Variants in ANKRD24 observed in about 807,000 individuals in gnomAD.
ANKRD24 encodes the protein ankyrin repeat domain 24.
Under a neutral mutation model 127.8 loss-of-function variants are expected in ANKRD24, and 109 were observed. That is an observed-to-expected ratio of 0.85 (90% CI 0.73 to 1.00). ANKRD24 has a LOEUF of 1.00. Ranked by LOEUF, ANKRD24 falls within the 50% of genes least tolerant of loss-of-function variation. The pLI is 0.00. For synonymous variants in ANKRD24, 743 were observed against 671.1 expected, an observed-to-expected ratio of 1.11 and a Z score of -1.66; for missense variants, 1,648 against 1,570.2, an observed-to-expected ratio of 1.05 and a Z score of -0.84.
At position 4,207,884 on chromosome 19, in the gene ANKRD24, G is replaced by A. The variant is rs746465385; in HGVS notation, c.748G>A (p.Ala250Thr). The A allele has an allele frequency of 4.5e-6, 7 of 1,559,048 alleles. No homozygotes were observed. The highest frequency in any genetic ancestry group is 2.3e-5 in the East Asian group (1 of 43,750). ...CATCACCGATGCGCTGGGGCAGGAC[G>A]CGGCTCACTATGGCGCCCTGGCGGG... The part of the protein sequence containing the change: ...PGITDALGQD[A>T]AHYGALAGDK... Residue 250 changes from alanine (A) to threonine (T), a missense_variant, in exon 10 of 22, where the codon GCG (alanine) becomes ACG (threonine). By Grantham distance (58) the Ala-to-Thr change is moderately conservative (BLOSUM62 0). Coordinates refer to ENST00000318934, the MANE Select transcript of ANKRD24 (RefSeq NM_001393985.1).
chr19:4,192,380 AT>A (rs142246284), intron 2 of ANKRD24, among the ~76,000 whole-genome samples: 3,149 of 132,456 alleles, frequency 0.024, 128 homozygotes, highest in African/African-American at 0.08. Context: ...TTAAGTATGC[AT>A]TTTTTTTTTT....
chr19:4,187,281 C>T (rs189591206), intron 2 of ANKRD24, among the ~76,000 whole-genome samples: 16 of 152,154 alleles, frequency 1.1e-4, no homozygotes, highest in Middle Eastern at 3.4e-3. Flanking sequence ...GGCACGGTGG[C>T]GGGCACCTGT....
At chr19:4,202,842 G>T in intron 6 of ANKRD24, 27 bp from the exon 7 acceptor site, 1 of 1,571,764 alleles carries the variant, frequency 6.4e-7, no homozygotes, top group South Asian at 1.2e-5. Flanking sequence ...GGATGGCTCC[G>T]CCTCAAAGGA....
chr19:4,184,858 G>A (rs1034573074), intron 1 of ANKRD24, among the ~76,000 whole-genome samples: 1 of 151,672 alleles, frequency 6.6e-6, no homozygotes, highest in Non-Finnish European at 1.5e-5. Flanking sequence ...ATGGATGGGT[G>A]GATGGATGAA....
chr19:4,224,193 G>T lies in ANKRD24; in HGVS notation c.3363+1G>T. The T allele has an allele frequency of 6.2e-7, 1 of 1,609,856 alleles. No homozygotes were observed. Among genetic ancestry groups the T allele is most frequent in the Non-Finnish European group, 8.5e-7 (1 of 1,178,264 alleles). On this transcript the variant is annotated splice_donor_variant, in intron 21 of 21. Transcript: ENST00000318934. LOFTEE classifies it high-confidence loss of function. ...AAGCCACCTCCTATATGCCATTCAG[G>T]TGAGTGGCCCAGCTCCTGGGTACCC...
chr19:4,191,275 C>T (rs1026128121), intron 2 of ANKRD24, among the ~76,000 whole-genome samples: 4 of 150,366 alleles, frequency 2.7e-5, no homozygotes, highest in African/African-American at 7.3e-5. Flanking sequence ...TGTTCAGCAG[C>T]CCCGAGGGAA....
chr19:4,189,243 CTTTTT>C (rs398033749), intron 2 of ANKRD24, among the ~76,000 whole-genome samples: 15 of 73,952 alleles, frequency 2.0e-4, no homozygotes, highest in African/African-American at 6.9e-4. Context: ...TTTCTTTCTT[CTTTTT>C]TTTTTTTTTT....
At chr19:4,207,061 A>G in intron 7 of ANKRD24, 181 bp from the exon 8 acceptor site, 2 of 596,190 alleles carry the variant, frequency 3.4e-6, no homozygotes, top group Non-Finnish European at 5.9e-6. Context: ...ACAGACACAC[A>G]CCACCACACC....
intron 19 of ANKRD24, among the ~76,000 whole-genome samples, 160 bp from the exon 20 acceptor site, chr19:4,222,510 C>T (rs981241964): frequency 2.0e-5 from 3 of 152,206 alleles, no homozygotes; most frequent in Non-Finnish European, 2.9e-5. Context: ...TTAAAACAGG[C>T]TGTGGGCCAG....
chr19:4,221,033 A>G (rs930096668), intron 19 of ANKRD24, among the ~76,000 whole-genome samples: 1 of 151,570 alleles, frequency 6.6e-6, no homozygotes, highest in African/African-American at 2.4e-5. Flanking sequence ...AGTAGCCAGG[A>G]CTACAGGTTA....
At position 4,217,090 on chromosome 19, in the gene ANKRD24, A is replaced by G. The variant is rs2145394098; in HGVS notation, c.1930A>G (p.Lys644Glu). 1.2e-6 allele frequency: 2 copies of G among 1,613,764 alleles called. No individual in the cohort carries two copies. Among genetic ancestry groups the G allele is most frequent in the East Asian group, 4.5e-5 (2 of 44,876 alleles). The change falls in exon 18 of 22, where the codon AAA becomes GAA. Residue 644 changes from lysine (K) to glutamate (E), a missense_variant. By Grantham distance (56) the Lys-to-Glu change is moderately conservative (BLOSUM62 1). Coordinates refer to ENST00000318934, the MANE Select transcript of ANKRD24 (RefSeq NM_001393985.1). ...GGAGGCCATGGGGGTGGAGGCCACA[A>G]AAACAAAAGCAGAGGAAGCAGAAAT... Reference protein sequence around the residue: ...GVEAMGVEATKTKAEEAEMQA... With the variant: ...GVEAMGVEATETKAEEAEMQA...
Position 4,198,418 on chromosome 19 carries a change from C to G in ANKRD24, c.37-1265C>G. ...AGCCCCGCCCTCCGGCCGCTCCCCG[C>G]GGTCCCTCCAGACCCTCTGGCCGCC... On this transcript the variant is annotated intron_variant, in intron 2 of 21. Transcript: ENST00000318934. The surrounding 1 kb of genome is among the most constrained non-coding windows in gnomAD (Gnocchi z 6.1). 4.0e-6 allele frequency: 2 copies of G among 495,492 alleles called. No individual in the cohort carries two copies. Among genetic ancestry groups the G allele is most frequent in the African/African-American group, 2.0e-5 (1 of 49,938 alleles). 30.7% of individuals were successfully genotyped at this position (495,492 alleles called of 1,614,324 possible).
At chr19:4,187,887 CG>C (rs1314736330) in intron 2 of ANKRD24, among the ~76,000 whole-genome samples, 1 of 152,052 alleles carries the variant, frequency 6.6e-6, no homozygotes, top group Non-Finnish European at 1.5e-5. Flanking sequence ...ACGTGAGGAG[CG>C]GGGCACGGAC....
intron 15 of ANKRD24, among the ~76,000 whole-genome samples, chr19:4,214,326 CCTGG>C (rs749515704): frequency 1.9e-4 from 29 of 152,032 alleles, no homozygotes; most frequent in Admixed American, 3.9e-4. Context: ...TGCCACCACA[CCTGG>C]CTAATTTTTT....
chr19:4,187,380 T>A (rs1198806719), intron 2 of ANKRD24, among the ~76,000 whole-genome samples: 1 of 150,392 alleles, frequency 6.6e-6, no homozygotes, highest in Admixed American at 6.7e-5. Flanking sequence ...GCCATTGCAC[T>A]GCAGCCTGGG....
chr19:4,210,229 G>A (rs1394267137), intron 12 of ANKRD24, 36 bp from the exon 13 acceptor site: 1 of 1,559,304 alleles, frequency 6.4e-7, no homozygotes, highest in Non-Finnish European at 8.7e-7. Context: ...GGCAACCTTA[G>A]GCCCCATCTA....
intron 10 of ANKRD24, among the ~76,000 whole-genome samples, chr19:4,208,526 A>C (rs1969520759): frequency 1.3e-5 from 2 of 151,734 alleles, no homozygotes; most frequent in South Asian, 4.2e-4. Context: ...CAGGTGATTC[A>C]CCCGCCTTGG....
At chr19:4,193,876 G>T (rs371657936) in intron 2 of ANKRD24, among the ~76,000 whole-genome samples, 3 of 149,086 alleles carry the variant, frequency 2.0e-5, no homozygotes, top group South Asian at 2.2e-4. Flanking sequence ...AGGAAGGAAG[G>T]AAGGAAGGAA....
intron 1 of ANKRD24, 26 bp downstream of exon 1, chr19:4,182,766 T>A: frequency 1.0e-6 from 1 of 985,192 alleles, no homozygotes; most frequent in Non-Finnish European, 1.2e-6. Flanking sequence ...GGGAAGGGGC[T>A]CCCCGATGAC....
Sources: allele counts gnomAD v4.1 joint callset (sites outside exome capture counted in the v4.1 genomes callset), GRCh38; gene constraint gnomAD v4.1.1; non-coding constraint Gnocchi (gnomAD v3.1); transcripts MANE v1.5; gene names NCBI Gene and HGNC (gene_info 2026-07-23, HGNC 2026-07-21).